FBXO45: variants seen among roughly 807,000 people sequenced by gnomAD.
FBXO45 encodes the protein F-box/SPRY domain-containing protein 1.
A neutral mutation model predicts 25.5 loss-of-function variants in FBXO45; 3 were observed. The observed-to-expected ratio is 0.12, with a 90% CI of 0.05 to 0.30. The LOEUF (loss-of-function observed/expected upper bound fraction) is 0.30. Among genes scored for constraint, FBXO45 ranks in the 10% least tolerant of loss-of-function variants. The probability of loss-of-function intolerance (pLI) is 1.00; values close to 1 mark genes in which losing one functional copy is unlikely to be tolerated. For synonymous variants in FBXO45, 155 were observed against 149.8 expected (o/e 1.03, Z -0.25); for missense variants, 219 against 365.0 (o/e 0.60, Z 3.26).
intron 2 of FBXO45, among the ~76,000 whole-genome samples, chr3:196,580,806 C>CG (rs2108728472): frequency 6.8e-6 from 1 of 147,872 alleles, no homozygotes; most frequent in African/African-American, 2.4e-5. Context: ...GGGTCTCGCT[C>CG]TGACACCTCG....
rs1462202651 is a variant in FBXO45 at position 196,585,485 on chromosome 3, C to T, written c.*1167C>T. ...GGCTATAAAGAAAACGTTTACTTAC[C>T]CAGCTGAAACAGGTTAAGAATATTC... On this transcript the variant is annotated 3_prime_UTR_variant, in exon 3 of 3. Coordinates refer to ENST00000311630, the MANE Select transcript of FBXO45 (RefSeq NM_001105573.2). 6.6e-6 allele frequency: 1 copy of T among 152,106 alleles called. No homozygotes were observed. The highest frequency in any genetic ancestry group is 1.5e-5 in the Non-Finnish European group (1 of 68,034). The allele number at this position is 152,106 out of a possible 1,614,324, so 9.4% of individuals were successfully genotyped here.
chr3:196,574,081 C>G (rs937337549), intron 1 of FBXO45, among the ~76,000 whole-genome samples: 2 of 151,806 alleles, frequency 1.3e-5, no homozygotes, highest in African/African-American at 4.8e-5. Context: ...ATTACAGGAG[C>G]CTGCCACTAC....
At chr3:196,578,057 T>TTTTTTTTTTC (rs67579770) in intron 2 of FBXO45, among the ~76,000 whole-genome samples, 1 of 148,570 alleles carries the variant, frequency 6.7e-6, no homozygotes, top group East Asian at 2.0e-4. Context: ...TTTTTTTTTT[T>TTTTTTTTTTC]TTAGACAGAA....
chr3:196,583,234 G>A (rs1169569892), intron 2 of FBXO45, among the ~76,000 whole-genome samples: 6 of 152,156 alleles, frequency 3.9e-5, no homozygotes, highest in African/African-American at 1.4e-4. Flanking sequence ...ACGGCCGGGC[G>A]CGATGGCTCA....
intron 1 of FBXO45, among the ~76,000 whole-genome samples, chr3:196,572,832 A>C (rs2108726157): frequency 6.6e-6 from 1 of 152,304 alleles, no homozygotes; most frequent in Middle Eastern, 3.4e-3. Context: ...AAATCTATAG[A>C]ATTGGCAATA....
At chr3:196,583,265 T>G (rs1427643360) in intron 2 of FBXO45, among the ~76,000 whole-genome samples, 1 of 152,216 alleles carries the variant, frequency 6.6e-6, no homozygotes, top group Non-Finnish European at 1.5e-5. Flanking sequence ...CCCAGCACTT[T>G]GGGAGGCTGA....
At position 196,577,455 on chromosome 3, in the gene FBXO45, A is replaced by G; in HGVS notation, c.321A>G (p.Ile107Met). The G allele has an allele frequency of 1.3e-6, 2 of 1,566,088 alleles. No individual in the cohort carries two copies. The highest frequency in any genetic ancestry group is 1.7e-5 in the Admixed American group (1 of 57,772). ...TGGTCTGTTTTTCATCTTTTTAGAT[A>G]CGTGCTTTTCAACATGCCTTCAGCA... ...LCNLPSYKAK[I>M]RAFQHAFSTN... Residue 107 changes from isoleucine (I) to methionine (M), a missense_variant and splice_region_variant, in exon 2 of 3, where the codon ATA becomes ATG. Physicochemically the swap from Ile to Met is conservative, Grantham distance 10. Around this residue, in one of 4 missense-constraint regions of FBXO45, gnomAD observed 138 missense variants for 157.3 expected, o/e 0.88. Transcript: ENST00000311630.
In FBXO45 at chr3:196,578,945, T is replaced by C. The variant is rs569968166; in HGVS notation, c.675+1136T>C. On this transcript the variant is annotated intron_variant, in intron 2 of 2. Coordinates refer to ENST00000311630, the MANE Select transcript of FBXO45 (RefSeq NM_001105573.2). ...GTCATCTTTCCTGTATCACGGCACA[T>C]CCAAATCTTTTTCTAGGCTCCTTAC... Among the ~76,000 whole-genome samples, 23 of 152,250 alleles carry C rather than the reference T, an allele frequency of 1.5e-4. No homozygotes were observed. In the East Asian group the frequency reaches 4.1e-3, roughly 27 times the overall value.
chr3:196,584,207 G>A lies in FBXO45; in HGVS notation c.750G>A (p.Leu250=), dbSNP rs772328440. ...CTTTTGAACGTGGATATGAGTTCCT[G>A]GGGGTTGCTTTTAGAGGACTTCCAA... ...TLAFERGYEF[L]GVAFRGLPKV... is the part of the protein sequence containing the mutation. The change falls in exon 3 of 3, where the codon CTG becomes CTA. Residue 250 remains leucine (L), a synonymous_variant. Coordinates refer to ENST00000311630, the MANE Select transcript of FBXO45 (RefSeq NM_001105573.2). The surrounding 1 kb of genome is among the most constrained non-coding windows in gnomAD (Gnocchi z 4.3). The A allele has an allele frequency of 4.1e-5, 66 of 1,613,848 alleles. No homozygotes were observed. Among genetic ancestry groups the A allele is most frequent in the Non-Finnish European group, 5.4e-5 (64 of 1,179,858 alleles).
intron 2 of FBXO45, among the ~76,000 whole-genome samples, chr3:196,578,760 A>C (rs1354017996): frequency 6.6e-6 from 1 of 152,134 alleles, no homozygotes; most frequent in Non-Finnish European, 1.5e-5. Context: ...CCCAATGCAA[A>C]TTCATAAACT....
At position 196,584,369 on chromosome 3, in the gene FBXO45, G is replaced by A; in HGVS notation, c.*51G>A. ...AGAATGGAGGAGAGATCTGCTTATGGGAAGTAGAACCATGAAGTGACTGTC... is the reference window on the plus strand; with the variant it reads ...AGAATGGAGGAGAGATCTGCTTATGAGAAGTAGAACCATGAAGTGACTGTC... On this transcript the variant is annotated 3_prime_UTR_variant, in exon 3 of 3. Coordinates refer to ENST00000311630, the MANE Select transcript of FBXO45 (RefSeq NM_001105573.2). The surrounding 1 kb of genome is among the most constrained non-coding windows in gnomAD (Gnocchi z 4.3). 1 of 1,494,490 alleles carries A rather than the reference G, an allele frequency of 6.7e-7. No individual in the cohort carries two copies. Among genetic ancestry groups the A allele is most frequent in the Non-Finnish European group, 9.0e-7 (1 of 1,108,866 alleles). 92.6% of individuals were successfully genotyped at this position (1,494,490 alleles called of 1,614,324 possible).
intron 2 of FBXO45, among the ~76,000 whole-genome samples, chr3:196,578,436 A>G (rs1038318790): frequency 2.0e-5 from 3 of 152,024 alleles, no homozygotes; most frequent in Admixed American, 2.0e-4. Context: ...GCTCCAGATC[A>G]GGGGTTGGCA....
At chr3:196,574,888 G>A (rs185301938) in intron 1 of FBXO45, among the ~76,000 whole-genome samples, 1 of 152,246 alleles carries the variant, frequency 6.6e-6, no homozygotes, top group African/African-American at 2.4e-5. Context: ...AGGTAGAAAG[G>A]GAAATAGGAA....
At chr3:196,577,141 A>G (rs1220177407) in intron 1 of FBXO45, among the ~76,000 whole-genome samples, 2 of 152,114 alleles carry the variant, frequency 1.3e-5, no homozygotes, top group Non-Finnish European at 2.9e-5. Context: ...TTATCCATAA[A>G]CGTTTCAGTA....
intron 2 of FBXO45, among the ~76,000 whole-genome samples, chr3:196,580,053 C>T (rs913352859): frequency 2.6e-5 from 4 of 151,844 alleles, no homozygotes; most frequent in Admixed American, 2.0e-4. Flanking sequence ...AGTGCAATGG[C>T]GCAATCTCGG....
rs987428040 is a variant in FBXO45, at chr3:196,585,106, A to G, written c.*788A>G. 8 of 152,180 alleles carry G rather than the reference A, an allele frequency of 5.3e-5. No individual in the cohort carries two copies. The highest frequency in any genetic ancestry group is 1.9e-4 in the African/African-American group (8 of 41,440). The allele number at this position is 152,180 out of a possible 1,614,324, so 9.4% of individuals were successfully genotyped here. ...CTGGTTTGTTTTTGTTTTTACTCTC[A>G]AAATCATAGTAAAGATCTCTCAGTC... On this transcript the variant is annotated 3_prime_UTR_variant, in exon 3 of 3. Coordinates refer to ENST00000311630, the MANE Select transcript of FBXO45 (RefSeq NM_001105573.2).
rs75608909 is a variant in FBXO45 at position 196,586,070 on chromosome 3, T to C, written c.*1752T>C. Reference sequence around the variant, plus strand: ...CAGGTTAAGAAGAAACCTCCTTGTATTGAGTGAAATTATATGTTAAATGTA... The same window carrying C: ...CAGGTTAAGAAGAAACCTCCTTGTACTGAGTGAAATTATATGTTAAATGTA... On this transcript the variant is annotated 3_prime_UTR_variant, in exon 3 of 3. Transcript: ENST00000311630. 6.6e-6 allele frequency: 1 copy of C among 152,196 alleles called. No homozygotes were observed. The highest frequency in any genetic ancestry group is 1.9e-4 in the East Asian group (1 of 5,206). The allele number at this position is 152,196 out of a possible 1,614,324, so 9.4% of individuals were successfully genotyped here.
rs897749877 is a variant in FBXO45, at chr3:196,587,987, G to C, written c.*3669G>C. 1 of 151,922 alleles carries C rather than the reference G, an allele frequency of 6.6e-6. No homozygotes were observed. Among genetic ancestry groups the C allele is most frequent in the Non-Finnish European group, 1.5e-5 (1 of 68,032 alleles). The allele number at this position is 151,922 out of a possible 1,614,324, so 9.4% of individuals were successfully genotyped here. ...TGCTCTGTTGCCCAGGCTGGAGTGC[G>C]GTGGTGTGATCTCAGTTCACTGCAA... On this transcript the variant is annotated 3_prime_UTR_variant, in exon 3 of 3. Coordinates refer to ENST00000311630, the MANE Select transcript of FBXO45 (RefSeq NM_001105573.2).
At chr3:196,576,993 T>C (rs957167343) in intron 1 of FBXO45, among the ~76,000 whole-genome samples, 9 of 152,150 alleles carry the variant, frequency 5.9e-5, no homozygotes, top group African/African-American at 2.2e-4. Flanking sequence ...GTAGAGAAAA[T>C]AGTTTGATGA....
Sources: gnomAD v4.1 joint callset for allele counts (sites outside exome capture counted in the v4.1 genomes callset) on GRCh38, gnomAD v4.1.1 for gene constraint, gnomAD v4.1.1 regional missense constraint, Gnocchi (gnomAD v3.1) non-coding constraint, MANE v1.5 for transcripts, NCBI Gene and HGNC (gene_info 2026-07-23, HGNC 2026-07-21) for gene names.